PRP4K: variants seen among roughly 807,000 people sequenced by gnomAD.
PRP4K encodes the protein serine/threonine-protein kinase PRP4 homolog.
the PRP4K span, among the ~76,000 whole-genome samples, chr6:4,048,804 G>GT: frequency 0.018 from 2,300 of 126,644 alleles, 60 homozygotes; most frequent in African/African-American, 0.079. Flanking sequence ...AGGGGTTTTT[G>GT]TTTTTTTTTT....
the PRP4K span, among the ~76,000 whole-genome samples, chr6:4,039,673 CT>C: frequency 6.6e-6 from 1 of 152,266 alleles, no homozygotes; most frequent in East Asian, 1.9e-4. Flanking sequence ...CATGTTCTGA[CT>C]GTTTCTGATT....
chr6:4,038,264 C>T, the PRP4K span, among the ~76,000 whole-genome samples: 396 of 152,114 alleles, frequency 2.6e-3, 20 homozygotes, highest in South Asian at 0.078. Flanking sequence ...GGTCTGAGTG[C>T]ACTCTGGTCA....
chr6:4,051,938 A>T, the PRP4K span: 852 of 1,121,826 alleles, frequency 7.6e-4, no homozygotes, highest in South Asian at 1.8e-3. Flanking sequence ...TTTTACCCCA[A>T]TTTTTTTTTT....
the PRP4K span, among the ~76,000 whole-genome samples, chr6:4,034,401 A>G: frequency 5.8e-4 from 88 of 152,254 alleles, no homozygotes; most frequent in Middle Eastern, 3.4e-3. Flanking sequence ...AGGTTTCTTT[A>G]TAGAATAGAC....
the PRP4K span, chr6:4,060,393 A>G: frequency 6.2e-7 from 1 of 1,604,120 alleles, no homozygotes; most frequent in Non-Finnish European, 8.5e-7. The surrounding 1 kb of genome is among the most constrained non-coding windows in gnomAD (Gnocchi z 4.7). Context: ...AGAGATACGC[A>G]TTTTAAAAAT....
chr6:4,059,803 G>A, the PRP4K span, among the ~76,000 whole-genome samples: 1 of 152,170 alleles, frequency 6.6e-6, no homozygotes, highest in South Asian at 2.1e-4. Context: ...GTGCCACCAC[G>A]CCTGGATAAT....
the PRP4K span, among the ~76,000 whole-genome samples, chr6:4,043,442 G>A: frequency 6.6e-6 from 1 of 152,084 alleles, no homozygotes; most frequent in African/African-American, 2.4e-5. Flanking sequence ...GTGATATGGT[G>A]CATCTATTAT....
the PRP4K span, among the ~76,000 whole-genome samples, chr6:4,054,744 T>A: frequency 6.6e-6 from 1 of 152,212 alleles, no homozygotes. Context: ...AACCTCGTGA[T>A]CTGCCCGCCT....
chr6:4,044,216 C>T, the PRP4K span: 1 of 590,576 alleles, frequency 1.7e-6, no homozygotes, highest in Non-Finnish European at 3.0e-6. Flanking sequence ...TATTAGTTCA[C>T]ATATCCTGAA....
chr6:4,031,690 A>G, the PRP4K span: 97 of 1,604,884 alleles, frequency 6.0e-5, no homozygotes, highest in Non-Finnish European at 7.6e-5. Context: ...AAGAAACATA[A>G]ACATTCCTCA....
At chr6:4,056,499 C>A in the PRP4K span, 1 of 1,611,560 alleles carries the variant, frequency 6.2e-7, no homozygotes, top group Non-Finnish European at 8.5e-7. Flanking sequence ...TACTTAATGT[C>A]TAAGCACTGT....
At chr6:4,063,024 C>T in the PRP4K span, 1 of 152,462 alleles carries the variant, frequency 6.6e-6, no homozygotes, top group African/African-American at 2.4e-5. Flanking sequence ...AAAACTGTTA[C>T]CTGTTCTTTA....
the PRP4K span, among the ~76,000 whole-genome samples, chr6:4,048,470 T>G: frequency 6.6e-6 from 1 of 152,172 alleles, no homozygotes; most frequent in Non-Finnish European, 1.5e-5. Flanking sequence ...GCCAGTGACT[T>G]ACTACATTTC....
At chr6:4,060,332 A>G in the PRP4K span, 1 of 1,294,962 alleles carries the variant, frequency 7.7e-7, no homozygotes, top group Non-Finnish European at 1.1e-6. The surrounding 1 kb of genome is among the most constrained non-coding windows in gnomAD (Gnocchi z 4.7). Context: ...AATATTTTTG[A>G]TAGACCCCAA....
chr6:4,043,721 CT>C, the PRP4K span: 2 of 1,215,492 alleles, frequency 1.6e-6, no homozygotes, highest in African/African-American at 3.0e-5. Flanking sequence ...GATACGTTCT[CT>C]TAACTTTTCA....
the PRP4K span, chr6:4,049,696 T>G: frequency 3.8e-6 from 6 of 1,564,780 alleles, no homozygotes; most frequent in Admixed American, 5.2e-5. Context: ...CTATTTATTA[T>G]AGTCAGAATT....
chr6:4,023,846 C>T, the PRP4K span, among the ~76,000 whole-genome samples: 10 of 151,502 alleles, frequency 6.6e-5, no homozygotes, highest in African/African-American at 2.2e-4. Flanking sequence ...GCTGGGACCA[C>T]AGGCATATGA....
At chr6:4,043,157 T>G in the PRP4K span, among the ~76,000 whole-genome samples, 1 of 152,160 alleles carries the variant, frequency 6.6e-6, no homozygotes, top group Non-Finnish European at 1.5e-5. Context: ...CTGTGGCAGC[T>G]TACCTAAACA....
the PRP4K span, among the ~76,000 whole-genome samples, chr6:4,021,636 C>T: frequency 2.6e-5 from 4 of 152,172 alleles, no homozygotes; most frequent in Admixed American, 6.5e-5. Context: ...CTTCGAGCTT[C>T]CTTCTCCCAG....
Sources: gnomAD v4.1 joint callset for allele counts (sites outside exome capture counted in the v4.1 genomes callset) on GRCh38, gnomAD v4.1.1 for gene constraint, Gnocchi (gnomAD v3.1) non-coding constraint, MANE v1.5 for transcripts, NCBI Gene and HGNC (gene_info 2026-07-23, HGNC 2026-07-21) for gene names.